CDC42BPA: variants seen among roughly 807,000 people sequenced by gnomAD.
CDC42BPA encodes CDC42 binding protein kinase alpha.
Under a neutral mutation model 223.5 loss-of-function variants are expected in CDC42BPA, and 80 were observed. The observed-to-expected ratio is 0.36, with a 90% CI of 0.30 to 0.43. The LOEUF (loss-of-function observed/expected upper bound fraction) is 0.43. Ranked by LOEUF, CDC42BPA falls within the 20% of genes least tolerant of loss-of-function variation. The pLI, the probability that CDC42BPA is intolerant of heterozygous loss-of-function variation, is 1.00. For missense variants in CDC42BPA, 1,743 were observed against 2,099.9 expected (o/e 0.83, Z 3.32); for synonymous variants, 694 against 718.6 (o/e 0.97, Z 0.55).
chr1:227,207,068 C>A (rs1191344326), intron 3 of CDC42BPA, among the ~76,000 whole-genome samples: 12 of 139,106 alleles, frequency 8.6e-5, no homozygotes, highest in Admixed American at 3.6e-4. Flanking sequence ...TCTCCTAATG[C>A]TATCCCTCCC....
intron 9 of CDC42BPA, among the ~76,000 whole-genome samples, chr1:227,141,927 C>A (rs1659747479): frequency 6.6e-6 from 1 of 152,018 alleles, no homozygotes; most frequent in Non-Finnish European, 1.5e-5. Flanking sequence ...TAGGACTGCA[C>A]CACTGCATTC....
chr1:227,272,653 C>T (rs1339731796), intron 1 of CDC42BPA, among the ~76,000 whole-genome samples: 1 of 152,126 alleles, frequency 6.6e-6, no homozygotes, highest in African/African-American at 2.4e-5. Context: ...AACTCCTGGT[C>T]TCAAGTGACC....
chr1:227,157,955 C>CTTTTTTTTTTTTTTTTTTTTTTT (rs59212512), intron 6 of CDC42BPA, among the ~76,000 whole-genome samples: 2 of 144,962 alleles, frequency 1.4e-5, no homozygotes, highest in African/African-American at 5.1e-5. Flanking sequence ...ATTTTTATAA[C>CTTTTTTTTTTTTTTTTTTTTTTT]TTTTTTTTTT....
chr1:227,089,627 GTTTTTTTTTT>G (rs72110440), intron 16 of CDC42BPA, among the ~76,000 whole-genome samples: 22 of 116,718 alleles, frequency 1.9e-4, no homozygotes, highest in Non-Finnish European at 2.9e-4. Context: ...GGGTAATTCC[GTTTTTTTTTT>G]TTTTTTTTTT....
At chr1:227,154,485 T>C (rs56352806) in intron 6 of CDC42BPA, among the ~76,000 whole-genome samples, 8,935 of 152,056 alleles carry the variant, frequency 0.059, 866 homozygotes, top group African/African-American at 0.2. Flanking sequence ...TAGAAGAATC[T>C]ATAAACTATT....
intron 3 of CDC42BPA, among the ~76,000 whole-genome samples, chr1:227,210,201 T>C (rs1020183091): frequency 2.0e-5 from 3 of 152,194 alleles, no homozygotes; most frequent in African/African-American, 7.2e-5. Context: ...TGTGTCTTTA[T>C]AGCAGCATGA....
At chr1:227,294,333 A>T (rs1690234311) in intron 1 of CDC42BPA, among the ~76,000 whole-genome samples, 1 of 152,138 alleles carries the variant, frequency 6.6e-6, no homozygotes, top group African/African-American at 2.4e-5. Context: ...AATAATAAGC[A>T]GACTTTGAAG....
At chr1:227,237,931 C>CTAAGA (rs1679362206) in intron 2 of CDC42BPA, among the ~76,000 whole-genome samples, 2 of 147,436 alleles carry the variant, frequency 1.4e-5, no homozygotes, top group African/African-American at 5.0e-5. Context: ...CCCAACTACT[C>CTAAGA]GGGAGGCTAA....
rs35336462 is a variant in CDC42BPA at position 227,309,203 on chromosome 1, C to CA, written c.178+7801dup. On this transcript the variant is annotated intron_variant, in intron 1 of 36. Transcript: ENST00000366766. ...CAACATAGTGAGACCCTATCTCTAC[C>CA]AAAAAAAAAAAAAAAAAAATAAGCA... 2.8e-3 allele frequency among the ~76,000 whole-genome samples: 359 copies of CA among 130,002 alleles called. 4 individuals are homozygous for CA. Among genetic ancestry groups the CA allele is most frequent in the East Asian group, 0.026 (112 of 4,296 alleles). 85.3% of individuals were successfully genotyped at this position (130,002 alleles called of 152,430 possible).
intron 1 of CDC42BPA, among the ~76,000 whole-genome samples, chr1:227,289,808 C>A (rs1689394273): frequency 6.7e-6 from 1 of 148,814 alleles, no homozygotes; most frequent in Non-Finnish European, 1.5e-5. Context: ...AAAAGAAATA[C>A]ATGGGATGCC....
At chr1:227,199,324 A>C (rs1671320228) in intron 4 of CDC42BPA, among the ~76,000 whole-genome samples, 1 of 152,192 alleles carries the variant, frequency 6.6e-6, no homozygotes, top group Admixed American at 6.5e-5. Flanking sequence ...ATGGAAATTA[A>C]ATGTTTGGAT....
intron 1 of CDC42BPA, among the ~76,000 whole-genome samples, chr1:227,261,657 G>A (rs1400292507): frequency 6.6e-6 from 1 of 152,136 alleles, no homozygotes; most frequent in Non-Finnish European, 1.5e-5. Context: ...AATAGATGCT[G>A]CAAAAGCAAA....
intron 21 of CDC42BPA, among the ~76,000 whole-genome samples, chr1:227,066,060 G>T (rs1676984532): frequency 1.3e-5 from 2 of 152,130 alleles, no homozygotes; most frequent in African/African-American, 4.8e-5. Flanking sequence ...AACTAGATTT[G>T]GCACAGAGAA....
intron 5 of CDC42BPA, among the ~76,000 whole-genome samples, chr1:227,168,779 G>T (rs1665590996): frequency 6.6e-6 from 1 of 152,090 alleles, no homozygotes; most frequent in African/African-American, 2.4e-5. Context: ...TTACAGGCGT[G>T]AGCCACTGCA....
At chr1:227,167,098 C>A (rs1228568925) in intron 5 of CDC42BPA, among the ~76,000 whole-genome samples, 2 of 152,118 alleles carry the variant, frequency 1.3e-5, no homozygotes, top group African/African-American at 4.8e-5. Context: ...TGGCATCTTA[C>A]AATACTACAT....
Position 227,035,665 on chromosome 1 carries a change from C to T in CDC42BPA, c.3200-58G>A, listed in dbSNP as rs946353803. ...AATTCATTTTAACAAAAAGAAAATTCGTAACACTCACTGCATACAAGATGC... is the reference window on the plus strand; with the variant it reads ...AATTCATTTTAACAAAAAGAAAATTTGTAACACTCACTGCATACAAGATGC... On this transcript the variant is annotated intron_variant, in intron 24 of 36. Coordinates refer to ENST00000366766, the MANE Select transcript of CDC42BPA (RefSeq NM_001394014.1). 13 of 1,338,908 alleles carry T rather than the reference C, an allele frequency of 9.7e-6. No individual in the cohort carries two copies. In the African/African-American group the frequency reaches 1.0e-4, roughly 11 times the overall value. 82.9% of individuals were successfully genotyped at this position (1,338,908 alleles called of 1,614,324 possible). A position where few individuals can be genotyped will look rare whatever the true frequency, so the allele number is the denominator to read the frequency against.
At chr1:227,015,015 C>T (rs918513303) in intron 34 of CDC42BPA, among the ~76,000 whole-genome samples, 7 of 152,022 alleles carry the variant, frequency 4.6e-5, no homozygotes, top group South Asian at 2.1e-4. Flanking sequence ...CCCAATGCAA[C>T]GGCAATCATA....
chr1:227,050,185 A>C lies in CDC42BPA; in HGVS notation c.3009+1696T>G, dbSNP rs17851754. 3.9e-5 allele frequency among the ~76,000 whole-genome samples: 6 copies of C among 152,100 alleles called. No individual in the cohort carries two copies. The East Asian group carries it at 1.2e-3, about 29-fold the overall frequency. Reference sequence around the variant, plus strand: ...AGAAAAATGATTCAATAGAACAACAAAGGACACAAACAGGCAAATCATCAA... The same window carrying C: ...AGAAAAATGATTCAATAGAACAACACAGGACACAAACAGGCAAATCATCAA... On this transcript the variant is annotated intron_variant, in intron 22 of 36. Coordinates refer to ENST00000366766, the MANE Select transcript of CDC42BPA (RefSeq NM_001394014.1).
intron 7 of CDC42BPA, 39 bp from the exon 8 acceptor site, chr1:227,145,776 T>G: frequency 6.5e-7 from 1 of 1,533,918 alleles, no homozygotes; most frequent in Non-Finnish European, 8.9e-7. Flanking sequence ...TAAATCAGTG[T>G]TTAACATACT....
Sources: allele counts gnomAD v4.1 joint callset (sites outside exome capture counted in the v4.1 genomes callset), GRCh38; gene constraint gnomAD v4.1.1; transcripts MANE v1.5; gene names NCBI Gene and HGNC (gene_info 2026-07-23, HGNC 2026-07-21).